CACNA1C: variants seen among roughly 807,000 people sequenced by gnomAD.
CACNA1C encodes calcium voltage-gated channel subunit alpha1 C.
A neutral mutation model predicts 229.0 loss-of-function variants in CACNA1C; 30 were observed. The observed-to-expected ratio is 0.13, with a 90% CI of 0.10 to 0.18. The LOEUF is 0.18. CACNA1C is among the 10% of genes least tolerant of loss of function. The pLI is 1.00. For missense variants in CACNA1C, 1,658 were observed against 2,845.0 expected (o/e 0.58, Z 9.49); for synonymous variants, 1,114 against 1,132.5 (o/e 0.98, Z 0.33).
At position 2,595,035 on chromosome 12, in the gene CACNA1C, A is replaced by T. The variant is rs958255592; in HGVS notation, c.2664-839A>T. On this transcript the variant is annotated intron_variant, in intron 19 of 46. Transcript: ENST00000399655. This position sits in a 1 kb window ranked among gnomAD's most constrained non-coding sequence, Gnocchi z 4.1. ...GGGAGGGGTTGTTGGTTTGAAGCAG[A>T]TGATTCTTACAGCCATCTCCTAACT... Among the ~76,000 whole-genome samples the T allele has an allele frequency of 3.9e-5, 6 of 152,200 alleles. No individual in the cohort carries two copies. The highest frequency in any genetic ancestry group is 6.6e-5 in the Admixed American group (1 of 15,266).
chr12:2,619,646 G>T (rs1477038872), intron 29 of CACNA1C, among the ~76,000 whole-genome samples: 1 of 151,812 alleles, frequency 6.6e-6, no homozygotes, highest in East Asian at 1.9e-4. Flanking sequence ...GGCTTTTCAA[G>T]CCTTCAGCTC....
At chr12:2,353,782 G>A (rs57572498) in intron 3 of CACNA1C, among the ~76,000 whole-genome samples, 1,671 of 152,316 alleles carry the variant, frequency 0.011, 27 homozygotes, top group African/African-American at 0.038. Context: ...GAGATGGCCA[G>A]AGCCTGTTTG....
chr12:2,314,619 A>G (rs1002127539), intron 3 of CACNA1C, among the ~76,000 whole-genome samples: 1 of 151,904 alleles, frequency 6.6e-6, no homozygotes, highest in Admixed American at 6.6e-5. Flanking sequence ...AGATTTCTTG[A>G]CTCAGAATCA....
Position 2,653,484 on chromosome 12 carries a change from C to G in CACNA1C, c.4075-351C>G, listed in dbSNP as rs566945844. Among the ~76,000 whole-genome samples, 2 of 152,356 alleles carry G rather than the reference C, an allele frequency of 1.3e-5. No individual in the cohort carries two copies. Among genetic ancestry groups the G allele is most frequent in the South Asian group, 4.1e-4 (2 of 4,828 alleles). ...CACCCCACTCCTCCACAGGTAACCA[C>G]AGTCAGCGGGGTGCTGTCCTCCACG... On this transcript the variant is annotated intron_variant, in intron 32 of 46. Transcript: ENST00000399655. The surrounding 1 kb of genome is among the most constrained non-coding windows in gnomAD (Gnocchi z 4.7).
chr12:2,552,646 C>T (rs1414011598), intron 10 of CACNA1C, among the ~76,000 whole-genome samples: 4 of 152,180 alleles, frequency 2.6e-5, no homozygotes, highest in African/African-American at 9.7e-5. Flanking sequence ...GAGCCTGACA[C>T]AGGTGAGAGG....
intron 37 of CACNA1C, among the ~76,000 whole-genome samples, chr12:2,667,932 C>T (rs1387124018): frequency 1.3e-5 from 2 of 152,232 alleles, no homozygotes; most frequent in African/African-American, 4.8e-5. Flanking sequence ...TGACCCATTG[C>T]ATGCTGAAGG....
At position 2,682,600 on chromosome 12, in the gene CACNA1C, C is replaced by T. The variant is rs1336138555; in HGVS notation, c.5495C>T (p.Ser1832Phe). Residue 1832 changes from serine (S) to phenylalanine (F), a missense_variant, in exon 43 of 47, where the codon TCT (serine) becomes TTT (phenylalanine). Coordinates refer to ENST00000399655, the MANE Select transcript of CACNA1C (RefSeq NM_000719.7). Reference sequence around the variant, plus strand: ...GCCATGGCGGGTCAGGAGGAGACGTCTCAGGATGAGACCTATGAAGTGAAG... The same window carrying T: ...GCCATGGCGGGTCAGGAGGAGACGTTTCAGGATGAGACCTATGAAGTGAAG... ...QAAMAGQEET[S>F]QDETYEVKMN... is the part of the protein sequence containing the mutation. 6.2e-7 allele frequency: 1 copy of T among 1,612,494 alleles called. No homozygotes were observed. The highest frequency in any genetic ancestry group is 8.5e-7 in the Non-Finnish European group (1 of 1,179,520).
chr12:1,978,978 G>A (rs2035272904), intron 1 of CACNA1C, among the ~76,000 whole-genome samples: 3 of 152,114 alleles, frequency 2.0e-5, no homozygotes, highest in African/African-American at 7.2e-5. Context: ...TTGCTATTAT[G>A]AATAAAACTG....
At chr12:2,415,767 G>A (rs569700323) in intron 3 of CACNA1C, among the ~76,000 whole-genome samples, 5 of 152,214 alleles carry the variant, frequency 3.3e-5, no homozygotes, top group South Asian at 2.1e-4. Flanking sequence ...AGGAGTCCCC[G>A]CCATGGTGGC....
At position 2,505,103 on chromosome 12, in the gene CACNA1C, AG is replaced by A. The variant is rs1197314128; in HGVS notation, c.1217+161del. Among the ~76,000 whole-genome samples, 23 of 152,048 alleles carry A rather than the reference AG, an allele frequency of 1.5e-4. No individual in the cohort carries two copies. In the East Asian group the frequency reaches 4.1e-3, roughly 27 times the overall value. ...GGATGTCCTTGTCCTGGCTGGGTAA[AG>A]GGTCAGATGTGCCACTGGTCTTGGT... On this transcript the variant is annotated intron_variant, in intron 8 of 46. Coordinates refer to ENST00000399655, the MANE Select transcript of CACNA1C (RefSeq NM_000719.7).
rs1060504918 is a variant in CACNA1C at position 2,664,981 on chromosome 12, T to C, written c.4389T>C (p.Cys1463=). Residue 1463 remains cysteine, a synonymous_variant, in exon 35 of 47, where the codon TGT becomes TGC. Transcript: ENST00000399655. ...ACTTCATCAGCTTCTACATGCTCTG[T>C]GCCTTCCTGGTAAGCCAAGGGGGAA... ...VFYFISFYML[C]AFLIINLFVA... 5.6e-6 allele frequency: 9 copies of C among 1,614,168 alleles called. No individual in the cohort carries two copies. The highest frequency in any genetic ancestry group is 7.6e-6 in the Non-Finnish European group (9 of 1,180,006).
chr12:2,184,659 A>G (rs1471887431), intron 3 of CACNA1C, among the ~76,000 whole-genome samples: 4 of 152,282 alleles, frequency 2.6e-5, no homozygotes, highest in Non-Finnish European at 5.9e-5. Context: ...TTGCTTGTCA[A>G]CCATGTTCTA....
chr12:2,497,969 T>TCACACACA lies in CACNA1C; in HGVS notation c.1113+4610_1113+4617dup, dbSNP rs3058710. Among the ~76,000 whole-genome samples the TCACACACA allele has an allele frequency of 5.7e-3, 820 of 144,006 alleles. 7 individuals are homozygous for TCACACACA. Among genetic ancestry groups the TCACACACA allele is most frequent in the South Asian group, 0.023 (101 of 4,316 alleles). 94.5% of individuals were successfully genotyped at this position (144,006 alleles called of 152,430 possible). A position where few individuals can be genotyped will look rare whatever the true frequency, so the allele number is the denominator to read the frequency against. ...TGCGGAGAAGGTATTTCTATTAAATTCACACACACACACACACACACACAC... is the reference window on the plus strand; with the variant it reads ...TGCGGAGAAGGTATTTCTATTAAATTCACACACACACACACACACACACACACACACAC... On this transcript the variant is annotated intron_variant, in intron 7 of 46. Transcript: ENST00000399655.
At chr12:2,576,304 G>A (rs1464358478) in intron 13 of CACNA1C, among the ~76,000 whole-genome samples, 1 of 152,204 alleles carries the variant, frequency 6.6e-6, no homozygotes, top group Non-Finnish European at 1.5e-5. Flanking sequence ...TGGCGACGCA[G>A]GCAGAGTGTC....
At chr12:2,028,470 C>T (rs2154491071) in intron 1 of CACNA1C, among the ~76,000 whole-genome samples, 1 of 152,322 alleles carries the variant, frequency 6.6e-6, no homozygotes, top group East Asian at 1.9e-4. Context: ...CAAGATGGAT[C>T]TAGAATACAG....
intron 3 of CACNA1C, among the ~76,000 whole-genome samples, chr12:2,255,244 T>C (rs959710300): frequency 6.7e-6 from 1 of 148,622 alleles, no homozygotes; most frequent in Non-Finnish European, 1.5e-5. Context: ...ATCACGGTTA[T>C]GGGATGCTCA....
Position 2,630,665 on chromosome 12 carries a change from AC to A in CACNA1C, c.3829-3629del, listed in dbSNP as rs1290146871. On this transcript the variant is annotated intron_variant, in intron 29 of 46. Transcript: ENST00000399655. This position sits in a 1 kb window ranked among gnomAD's most constrained non-coding sequence, Gnocchi z 5.4. ...GGGTGAAGAGCTGCCTCTTAAAGGG[AC>A]CCTGTTTGTGCCCAGACATGTACCC... Among the ~76,000 whole-genome samples the A allele has an allele frequency of 6.6e-6, 1 of 151,998 alleles. No individual in the cohort carries two copies. Among genetic ancestry groups the A allele is most frequent in the African/African-American group, 2.4e-5 (1 of 41,364 alleles).
At chr12:2,671,487 T>C (rs2096567804) in intron 38 of CACNA1C, among the ~76,000 whole-genome samples, 1 of 152,136 alleles carries the variant, frequency 6.6e-6, no homozygotes, top group Non-Finnish European at 1.5e-5. Flanking sequence ...TACTCCCCTA[T>C]GTTCAGAGGG....
intron 3 of CACNA1C, among the ~76,000 whole-genome samples, chr12:2,394,054 A>G (rs893717239): frequency 1.3e-5 from 2 of 150,646 alleles, no homozygotes; most frequent in Admixed American, 1.3e-4. Context: ...GCAGTGAGCT[A>G]TGATTGTGCC....
Sources: gnomAD v4.1 joint callset for allele counts (sites outside exome capture counted in the v4.1 genomes callset) on GRCh38, gnomAD v4.1.1 for gene constraint, Gnocchi (gnomAD v3.1) non-coding constraint, MANE v1.5 for transcripts, NCBI Gene and HGNC (gene_info 2026-07-23, HGNC 2026-07-21) for gene names.